Variants in RYR3 observed in about 807,000 individuals in gnomAD.
RYR3 encodes ryanodine receptor 3, also known as brain ryanodine receptor-calcium release channel.
In RYR3, 207 loss-of-function variants were observed where a neutral mutation model predicts 584.3. That is an observed-to-expected ratio of 0.35 (90% CI 0.32 to 0.40). The LOEUF (loss-of-function observed/expected upper bound fraction) is 0.40. RYR3 is among the 10% of genes least tolerant of loss of function. The probability of loss-of-function intolerance (pLI) is 1.00; values close to 1 mark genes in which losing one functional copy is unlikely to be tolerated. For synonymous variants in RYR3, 2,416 were observed against 2,248.5 expected (o/e 1.07, Z -2.11); for missense variants, 5,616 against 6,089.2 (o/e 0.92, Z 2.59).
At position 33,565,443 on chromosome 15, in the gene RYR3, C is replaced by T. The variant is rs367581059; in HGVS notation, c.1147-1235C>T. The stretch of plus-strand genomic sequence containing the variant: ...AGTCTTGTTTCAAAAATGAACAAGC[C>T]GGTATTCTATTTCATCATATCAGGA... On this transcript the variant is annotated intron_variant, in intron 11 of 103. Coordinates refer to ENST00000634891, the MANE Select transcript of RYR3 (RefSeq NM_001036.6). Among the ~76,000 whole-genome samples, 26 of 152,076 alleles carry T rather than the reference C, an allele frequency of 1.7e-4. No individual in the cohort carries two copies. In the East Asian group the frequency reaches 2.7e-3, roughly 16 times the overall value.
intron 2 of RYR3, among the ~76,000 whole-genome samples, chr15:33,494,894 G>A (rs2051284481): frequency 1.3e-5 from 2 of 152,088 alleles, no homozygotes; most frequent in Non-Finnish European, 2.9e-5. Flanking sequence ...AACACAAACA[G>A]GCAAGCTCTC....
chr15:33,501,922 G>A (rs917308269), intron 2 of RYR3, among the ~76,000 whole-genome samples: 2 of 152,056 alleles, frequency 1.3e-5, no homozygotes, highest in African/African-American at 2.4e-5. Context: ...AAATAAAGGC[G>A]GTAATCCTCC....
chr15:33,600,669 G>A (rs1332219138), intron 16 of RYR3, among the ~76,000 whole-genome samples: 3 of 152,026 alleles, frequency 2.0e-5, no homozygotes, highest in African/African-American at 7.2e-5. Context: ...GATGGGAGAA[G>A]GAGAGCGGGT....
At chr15:33,563,317 C>T (rs1347609886) in intron 11 of RYR3, among the ~76,000 whole-genome samples, 2 of 152,218 alleles carry the variant, frequency 1.3e-5, no homozygotes, top group African/African-American at 2.4e-5. Flanking sequence ...GGATTATCCA[C>T]ATCATTGCTG....
At chr15:33,396,026 G>A (rs771842914) in intron 1 of RYR3, among the ~76,000 whole-genome samples, 1 of 152,108 alleles carries the variant, frequency 6.6e-6, no homozygotes, top group African/African-American at 2.4e-5. Context: ...TATCTGGCCC[G>A]AGTGAGTGGG....
At chr15:33,467,988 C>T (rs913286680) in intron 1 of RYR3, among the ~76,000 whole-genome samples, 1 of 152,128 alleles carries the variant, frequency 6.6e-6, no homozygotes, top group Non-Finnish European at 1.5e-5. Flanking sequence ...GCTTTAGAAT[C>T]AGACAGACAT....
intron 16 of RYR3, among the ~76,000 whole-genome samples, chr15:33,589,964 C>A (rs1422856319): frequency 6.6e-6 from 1 of 152,134 alleles, no homozygotes; most frequent in Non-Finnish European, 1.5e-5. Flanking sequence ...GTTGATTTCA[C>A]CTGGGTGCAG....
intron 73 of RYR3, 56 bp downstream of exon 73, chr15:33,813,050 A>C: frequency 6.2e-7 from 1 of 1,605,496 alleles, no homozygotes; most frequent in East Asian, 2.2e-5. Flanking sequence ...GACCATACAA[A>C]GCTCCCCTCC....
In RYR3 at chr15:33,742,999, T is replaced by C. The variant is rs551919982; in HGVS notation, c.7899+555T>C. 1.2e-4 allele frequency among the ~76,000 whole-genome samples: 18 copies of C among 152,182 alleles called. 1 individual carries two copies. The highest frequency in any genetic ancestry group is 2.4e-4 in the Non-Finnish European group (16 of 68,024). On this transcript the variant is annotated intron_variant, in intron 52 of 103. Coordinates refer to ENST00000634891, the MANE Select transcript of RYR3 (RefSeq NM_001036.6). ...AGGTCAGGCTGTTTAATAAGTTTCA[T>C]TGCTGTGTCAACCCTTTAACACTGG... is the stretch of plus-strand genomic sequence containing the variant.
intron 70 of RYR3, chr15:33,807,819 C>A: frequency 3.7e-6 from 2 of 545,884 alleles, no homozygotes; most frequent in Non-Finnish European, 6.6e-6. Flanking sequence ...GCTATCTCTG[C>A]TCCCTTCTCC....
chr15:33,714,027 T>A (rs1036020942), intron 43 of RYR3, among the ~76,000 whole-genome samples: 2 of 152,128 alleles, frequency 1.3e-5, no homozygotes, highest in Non-Finnish European at 2.9e-5. Flanking sequence ...ATCTTCATAT[T>A]GTAGATGAAG....
In RYR3 at chr15:33,866,039, T is replaced by C. The variant is rs1289916523; in HGVS notation, c.*813T>C. On this transcript the variant is annotated 3_prime_UTR_variant, in exon 104 of 104. Coordinates refer to ENST00000634891, the MANE Select transcript of RYR3 (RefSeq NM_001036.6). ...TCCCTTGTAAGTAGTGGAGCTGCTC[T>C]GTTTAGGTGAATCTCCTCAAATACA... 1 of 154,008 alleles carries C rather than the reference T, an allele frequency of 6.5e-6. No individual in the cohort carries two copies. The highest frequency in any genetic ancestry group is 1.4e-5 in the Non-Finnish European group (1 of 68,984). The allele number at this position is 154,008 out of a possible 1,614,324, so 9.5% of individuals were successfully genotyped here.
At chr15:33,659,101 G>A (rs537841168) in intron 32 of RYR3, among the ~76,000 whole-genome samples, 14 of 152,330 alleles carry the variant, frequency 9.2e-5, no homozygotes, top group African/African-American at 2.9e-4. Context: ...TGGGGGCAGA[G>A]AGTGCTGCTG....
intron 1 of RYR3, among the ~76,000 whole-genome samples, chr15:33,342,289 T>C (rs184567217): frequency 4.3e-4 from 65 of 152,308 alleles, no homozygotes; most frequent in African/African-American, 1.4e-3. Flanking sequence ...TGCATTGCCT[T>C]AGTGCTCAAT....
intron 1 of RYR3, among the ~76,000 whole-genome samples, chr15:33,411,985 G>T (rs1304416999): frequency 6.6e-6 from 1 of 152,162 alleles, no homozygotes; most frequent in Admixed American, 6.5e-5. Context: ...GAAAGAATTT[G>T]TCACAGTTGT....
intron 16 of RYR3, among the ~76,000 whole-genome samples, chr15:33,591,160 C>T (rs552403596): frequency 6.6e-6 from 1 of 152,292 alleles, no homozygotes; most frequent in East Asian, 1.9e-4. Context: ...CAAAATTCTT[C>T]TCTGGTCAAT....
chr15:33,412,153 C>A lies in RYR3; in HGVS notation c.52-61266C>A, dbSNP rs2043455883. 6.6e-6 allele frequency among the ~76,000 whole-genome samples: 1 copy of A among 152,138 alleles called. No homozygotes were observed. On this transcript the variant is annotated intron_variant, in intron 1 of 103. Coordinates refer to ENST00000634891, the MANE Select transcript of RYR3 (RefSeq NM_001036.6). The surrounding 1 kb of genome is among the most constrained non-coding windows in gnomAD (Gnocchi z 4.3). Reference sequence around the variant, plus strand: ...GCGAGTAAGAGATTATAAATATTATCATTGAAATGAGGTAGGCTTATTTTC... The same window carrying A: ...GCGAGTAAGAGATTATAAATATTATAATTGAAATGAGGTAGGCTTATTTTC...
Position 33,660,363 on chromosome 15 carries a change from G to C in RYR3, c.4562G>C (p.Trp1521Ser), listed in dbSNP as rs1217109352. 4.4e-6 allele frequency: 7 copies of C among 1,590,980 alleles called. No individual in the cohort carries two copies. In the South Asian group the frequency reaches 5.8e-5, roughly 13 times the overall value. Residue 1521 changes from tryptophan (W) to serine (S), a missense_variant, in exon 34 of 104, where the codon TGG becomes TCG. Physicochemically the swap from Trp to Ser is radical, Grantham distance 177 (BLOSUM62 -3). Transcript: ENST00000634891. ...ETERVSERHG[W>S]VVQCLEPLQM... ...GAGCGTGTGAGCGAGCGCCACGGCT[G>C]GGTGGTGCAGTGCCTGGAGCCCCTG...
At chr15:33,344,590 G>C (rs1972214330) in intron 1 of RYR3, among the ~76,000 whole-genome samples, 1 of 152,038 alleles carries the variant, frequency 6.6e-6, no homozygotes, top group Non-Finnish European at 1.5e-5. Flanking sequence ...GTTCTGGGTG[G>C]TTCTTAAGAC....
Sources: gnomAD v4.1 joint callset for allele counts (sites outside exome capture counted in the v4.1 genomes callset) on GRCh38, gnomAD v4.1.1 for gene constraint, Gnocchi (gnomAD v3.1) non-coding constraint, MANE v1.5 for transcripts, NCBI Gene and HGNC (gene_info 2026-07-23, HGNC 2026-07-21) for gene names.